Variants in SNX10 observed in about 807,000 individuals in gnomAD.
SNX10 encodes sorting nexin 10, also known as sorting nexin-10.
SNX10 carries 25 observed loss-of-function variants against 28.5 expected under a neutral mutation model. The observed-to-expected ratio is 0.88, with a 90% CI of 0.64 to 1.22. The LOEUF (loss-of-function observed/expected upper bound fraction) is 1.22. Ranked by LOEUF, SNX10 falls within the 50% of genes most tolerant of loss-of-function variation. The pLI, the probability that SNX10 is intolerant of heterozygous loss-of-function variation, is 0.00. For missense variants in SNX10, 223 were observed against 242.6 expected, an observed-to-expected ratio of 0.92 and a Z score of 0.54; for synonymous variants, 62 against 81.4, an observed-to-expected ratio of 0.76 and a Z score of 1.28.
chr7:26,371,782 C>T, intron 5 of SNX10, 39 bp from the exon 6 acceptor site: 2 of 1,421,826 alleles, frequency 1.4e-6, no homozygotes, highest in South Asian at 1.2e-5. Flanking sequence ...CACTGACCAT[C>T]CTGTTCACCA....
rs557989815 is a variant in SNX10, at chr7:26,313,066, G to A, written c.-24+20980G>A. ...ATTTACTCATGCAGGTATTTACTGCGTACTGTTCATAGTAGCACGAGAATG... is the reference window on the plus strand; with the variant it reads ...ATTTACTCATGCAGGTATTTACTGCATACTGTTCATAGTAGCACGAGAATG... On this transcript the variant is annotated intron_variant, in intron 1 of 6. Transcript: ENST00000338523. 8.9e-4 allele frequency among the ~76,000 whole-genome samples: 135 copies of A among 152,272 alleles called. 1 individual carries two copies. The highest frequency in any genetic ancestry group is 2.9e-3 in the African/African-American group (119 of 41,538).
chr7:26,337,668 C>A (rs1414796633), intron 1 of SNX10, among the ~76,000 whole-genome samples: 1 of 152,154 alleles, frequency 6.6e-6, no homozygotes, highest in Admixed American at 6.6e-5. Context: ...TTGAATGGTA[C>A]CCATTGTATG....
chr7:26,356,774 AG>A (rs1240092705), intron 2 of SNX10, among the ~76,000 whole-genome samples: 3 of 152,168 alleles, frequency 2.0e-5, no homozygotes, highest in African/African-American at 7.2e-5. Flanking sequence ...GGAGTTCTTT[AG>A]GGTGCTAGAA....
At chr7:26,330,739 GC>G (rs1239768470) in intron 1 of SNX10, among the ~76,000 whole-genome samples, 1 of 152,136 alleles carries the variant, frequency 6.6e-6, no homozygotes, top group East Asian at 1.9e-4. Flanking sequence ...AATGGGTGAG[GC>G]CAGGCATAGT....
chr7:26,325,306 A>AATATATATAT (rs149785859), intron 1 of SNX10, among the ~76,000 whole-genome samples: 2,697 of 51,302 alleles, frequency 0.053, 396 homozygotes, highest in African/African-American at 0.096. Flanking sequence ...AAGTTTGCAA[A>AATATATATAT]ATATATATAT....
chr7:26,302,573 G>A (rs943337991), intron 1 of SNX10, among the ~76,000 whole-genome samples: 2 of 151,304 alleles, frequency 1.3e-5, no homozygotes, highest in African/African-American at 2.4e-5. Context: ...CAGGACCCTC[G>A]GGTAATACCT....
chr7:26,341,879 A>G (rs2128009780), intron 1 of SNX10, among the ~76,000 whole-genome samples: 1 of 152,080 alleles, frequency 6.6e-6, no homozygotes, highest in Admixed American at 6.5e-5. Flanking sequence ...TAAAGGGCTT[A>G]GTTTTGTCAG....
rs1297724663 is a variant in SNX10 at position 26,351,517 on chromosome 7, G to T, written c.24+5051G>T. On this transcript the variant is annotated intron_variant, in intron 2 of 6. Coordinates refer to ENST00000338523, the MANE Select transcript of SNX10 (RefSeq NM_013322.3). ...GTCAAGGTCATGAAAAACAAGGAAT[G>T]CCTGAGAAGCTGTCATAGCCAAGAG... 2.0e-5 allele frequency among the ~76,000 whole-genome samples: 3 copies of T among 152,240 alleles called. No individual in the cohort carries two copies. In the South Asian group the frequency reaches 6.2e-4, roughly 32 times the overall value.
intron 1 of SNX10, among the ~76,000 whole-genome samples, chr7:26,312,958 C>T (rs1057097687): frequency 1.3e-5 from 2 of 152,110 alleles, no homozygotes; most frequent in African/African-American, 4.8e-5. Flanking sequence ...GGAAAACAAC[C>T]CACTCATTTG....
chr7:26,351,133 A>G (rs1375552946), intron 2 of SNX10, among the ~76,000 whole-genome samples: 2 of 152,354 alleles, frequency 1.3e-5, no homozygotes, highest in East Asian at 3.9e-4. Flanking sequence ...TCACTCTTCC[A>G]GCTCAGTGTT....
chr7:26,324,047 G>A (rs1787405264), intron 1 of SNX10, among the ~76,000 whole-genome samples: 1 of 152,104 alleles, frequency 6.6e-6, no homozygotes, highest in African/African-American at 2.4e-5. Context: ...AATTTCTCTT[G>A]AAGTTTATAT....
rs35641831 is a variant in SNX10 at position 26,297,033 on chromosome 7, G to A, written c.-24+4947G>A. On this transcript the variant is annotated intron_variant, in intron 1 of 6. Coordinates refer to ENST00000338523, the MANE Select transcript of SNX10 (RefSeq NM_013322.3). Reference sequence around the variant, plus strand: ...TTCACAAAAGTAAATTCCATTTAAAGATTAAATGTCAAAACCAAAATTATA... The same window carrying A: ...TTCACAAAAGTAAATTCCATTTAAAAATTAAATGTCAAAACCAAAATTATA... Among the ~76,000 whole-genome samples, 811 of 152,304 alleles carry A rather than the reference G, an allele frequency of 5.3e-3. 2 individuals carry two copies. The highest frequency in any genetic ancestry group is 8.1e-3 in the Non-Finnish European group (552 of 68,034).
chr7:26,365,199 C>A, intron 5 of SNX10, 54 bp downstream of exon 5: 1 of 1,011,398 alleles, frequency 9.9e-7, no homozygotes, highest in Non-Finnish European at 1.6e-6. Flanking sequence ...AAGTGCTTTA[C>A]AAGAGCTGCA....
At chr7:26,305,342 A>G (rs1407640313) in intron 1 of SNX10, among the ~76,000 whole-genome samples, 1 of 151,972 alleles carries the variant, frequency 6.6e-6, no homozygotes, top group Non-Finnish European at 1.5e-5. Flanking sequence ...GGGAACCAAC[A>G]CTCCTTAGAA....
chr7:26,367,642 G>A (rs1789348976), intron 5 of SNX10, among the ~76,000 whole-genome samples: 1 of 152,050 alleles, frequency 6.6e-6, no homozygotes, highest in African/African-American at 2.4e-5. Flanking sequence ...GTGTAAGGTA[G>A]TACCCTCCAT....
At chr7:26,372,203 G>C (rs757172428) in intron 6 of SNX10, 170 bp downstream of exon 6, 24 of 606,024 alleles carry the variant, frequency 4.0e-5, no homozygotes, top group Non-Finnish European at 6.4e-5. Flanking sequence ...GCTCATCATA[G>C]TAGTCTTCAC....
intron 1 of SNX10, among the ~76,000 whole-genome samples, chr7:26,306,070 T>TA (rs1562785232): frequency 6.7e-6 from 1 of 149,618 alleles, no homozygotes; most frequent in Admixed American, 6.7e-5. Flanking sequence ...AAATTTTTTG[T>TA]ATTTTTTTTT....
chr7:26,326,348 C>T (rs1016483557), intron 1 of SNX10, among the ~76,000 whole-genome samples: 1 of 152,122 alleles, frequency 6.6e-6, no homozygotes, highest in Non-Finnish European at 1.5e-5. Flanking sequence ...ACTAGGTGCA[C>T]GAAGCCTCAT....
intron 1 of SNX10, among the ~76,000 whole-genome samples, chr7:26,316,551 T>C (rs1787099041): frequency 6.6e-6 from 1 of 152,242 alleles, no homozygotes; most frequent in Non-Finnish European, 1.5e-5. Context: ...AGCCTAATAA[T>C]AATAATTAAT....
Sources: allele counts gnomAD v4.1 joint callset (sites outside exome capture counted in the v4.1 genomes callset), GRCh38; gene constraint gnomAD v4.1.1; transcripts MANE v1.5; gene names NCBI Gene and HGNC (gene_info 2026-07-23, HGNC 2026-07-21).